The following COL4A2 variants were observed in gnomAD, a reference collection of about 807,000 sequenced individuals.
COL4A2 encodes collagen type IV alpha 2 chain.
In COL4A2, 99 loss-of-function variants were observed where a neutral mutation model predicts 200.2. The ratio of observed to expected loss-of-function variants is 0.49; its 90% CI spans 0.42 to 0.58. COL4A2 has a LOEUF of 0.58. Among genes scored for constraint, COL4A2 ranks in the 20% least tolerant of loss-of-function variants. COL4A2 has a pLI of 0.00. For synonymous variants in COL4A2, 897 were observed against 900.6 expected (o/e 1.00, Z 0.07); for missense variants, 1,950 against 2,314.1 (o/e 0.84, Z 3.23).
intron 4 of COL4A2, among the ~76,000 whole-genome samples, chr13:110,385,411 GTGGATAGACTGTGGTTACAGTGCC>G (rs1251093487): frequency 1.0e-5 from 1 of 97,892 alleles, no homozygotes; most frequent in African/African-American, 3.7e-5. Flanking sequence ...GTTACAGTGT[GTGGATAGACTGTGGTTACAGTGCC>G]TGGATAGACC....
At chr13:110,417,338 G>C (rs112338168) in intron 4 of COL4A2, among the ~76,000 whole-genome samples, 1 of 151,462 alleles carries the variant, frequency 6.6e-6, no homozygotes, top group Non-Finnish European at 1.5e-5. Context: ...CTTCCTTTTC[G>C]AACTGTTCTC....
At chr13:110,482,106 C>T (rs1057457819) in intron 31 of COL4A2, among the ~76,000 whole-genome samples, 5 of 152,196 alleles carry the variant, frequency 3.3e-5, no homozygotes, top group African/African-American at 4.8e-5. Flanking sequence ...CCGGTGCTGG[C>T]GACATTGGTC....
At chr13:110,450,487 C>A (rs748465450) in intron 20 of COL4A2, 33 bp downstream of exon 20, 60 of 1,610,644 alleles carry the variant, frequency 3.7e-5, no homozygotes, top group Non-Finnish European at 5.0e-5. Context: ...GAGGGTGTAG[C>A]CTAATGTTCA....
chr13:110,326,043 C>A (rs369685533), intron 3 of COL4A2, among the ~76,000 whole-genome samples: 2 of 152,292 alleles, frequency 1.3e-5, no homozygotes, highest in East Asian at 3.9e-4. Context: ...TCCTTGGCCT[C>A]CCAAAGTAGT....
At chr13:110,373,387 G>C (rs921334730) in intron 4 of COL4A2, among the ~76,000 whole-genome samples, 1 of 152,146 alleles carries the variant, frequency 6.6e-6, no homozygotes, top group African/African-American at 2.4e-5. Flanking sequence ...GCCTTCAGAG[G>C]GCATCTATGG....
intron 12 of COL4A2, 25 bp from the exon 13 acceptor site, chr13:110,436,244 A>T: frequency 6.2e-7 from 1 of 1,612,842 alleles, no homozygotes; most frequent in Non-Finnish European, 8.5e-7. Context: ...TTTAAAGACA[A>T]CTGCTTTTGC....
chr13:110,328,417 C>A (rs900635195), intron 3 of COL4A2: 8 of 152,208 alleles, frequency 5.3e-5, no homozygotes, highest in African/African-American at 1.9e-4. Context: ...CAACCCCTGG[C>A]AGGCAAGTTC....
rs760851730 is a variant in COL4A2 at position 110,355,321 on chromosome 13, GT to G, written c.100-2150del. ...GAGGGCTGCAGTAGCTCAACTGTGTGTGGGAGAGGGCTGCACTAGCTCACCT... is the reference window on the plus strand; with the variant it reads ...GAGGGCTGCAGTAGCTCAACTGTGTGGGGAGAGGGCTGCACTAGCTCACCT... On this transcript the variant is annotated intron_variant, in intron 3 of 47. Coordinates refer to ENST00000360467, the MANE Select transcript of COL4A2 (RefSeq NM_001846.4). 6.4e-5 allele frequency among the ~76,000 whole-genome samples: 9 copies of G among 141,444 alleles called. 1 individual carries two copies. Among genetic ancestry groups the G allele is most frequent in the East Asian group, 2.0e-4 (1 of 5,116 alleles). The allele number at this position is 141,444 out of a possible 152,430, so 92.8% of individuals were successfully genotyped here.
At chr13:110,505,152 C>T (rs1418369365) in intron 45 of COL4A2, among the ~76,000 whole-genome samples, 6 of 151,194 alleles carry the variant, frequency 4.0e-5, no homozygotes, top group South Asian at 2.1e-4. Context: ...AGATCGAGAC[C>T]ATCCTGGCTA....
At chr13:110,482,691 G>A (rs1322127503) in intron 32 of COL4A2, 32 bp downstream of exon 32, 3 of 1,599,950 alleles carry the variant, frequency 1.9e-6, no homozygotes, top group Non-Finnish European at 2.6e-6. Flanking sequence ...CTCCTTACCT[G>A]GTCATGGTGG....
chr13:110,479,649 A>T (rs866038167), intron 30 of COL4A2, among the ~76,000 whole-genome samples: 1 of 152,194 alleles, frequency 6.6e-6, no homozygotes, highest in Non-Finnish European at 1.5e-5. Context: ...AGAGAAATGC[A>T]TTAAGAAGGG....
intron 20 of COL4A2, among the ~76,000 whole-genome samples, chr13:110,451,618 T>C (rs971283929): frequency 2.0e-5 from 3 of 152,196 alleles, no homozygotes; most frequent in Non-Finnish European, 4.4e-5. Context: ...ACTCACTCAC[T>C]ATCGTGAGAA....
At chr13:110,475,596 G>A (rs573650852) in intron 29 of COL4A2, among the ~76,000 whole-genome samples, 1 of 152,220 alleles carries the variant, frequency 6.6e-6, no homozygotes, top group East Asian at 1.9e-4. Flanking sequence ...CATATGCCTT[G>A]TTAGGCAGAA....
chr13:110,424,757 C>A lies in COL4A2; in HGVS notation c.204C>A (p.Pro68=). The A allele has an allele frequency of 6.2e-7, 1 of 1,610,952 alleles. No homozygotes were observed. The highest frequency in any genetic ancestry group is 8.5e-7 in the Non-Finnish European group (1 of 1,177,302). Residue 68 remains proline (P), a synonymous_variant, in exon 5 of 48, where the codon CCC becomes CCA. Transcript: ENST00000360467. ...GGRGQPGPVG[P]QGYNGPPGLQ... ...AGGGTCAGCCTGGGCCAGTGGGCCCCCAGGGGTACAATGGGCCACCAGGAT... is the reference window on the plus strand; with the variant it reads ...AGGGTCAGCCTGGGCCAGTGGGCCCACAGGGGTACAATGGGCCACCAGGAT...
chr13:110,316,348 C>T (rs1055971703), intron 3 of COL4A2, among the ~76,000 whole-genome samples: 3 of 152,196 alleles, frequency 2.0e-5, no homozygotes, highest in African/African-American at 7.2e-5. Flanking sequence ...GCATCAAAAG[C>T]CATGGTTTGT....
At chr13:110,381,180 C>T (rs1161353482) in intron 4 of COL4A2, among the ~76,000 whole-genome samples, 2 of 151,678 alleles carry the variant, frequency 1.3e-5, no homozygotes, top group African/African-American at 4.9e-5. Context: ...CTCTATCTCA[C>T]ATCCTCGGTC....
intron 3 of COL4A2, among the ~76,000 whole-genome samples, chr13:110,352,135 G>T (rs951947877): frequency 1.3e-5 from 2 of 152,220 alleles, no homozygotes; most frequent in Non-Finnish European, 2.9e-5. Context: ...TGGCATGAAG[G>T]TGGTGCCCTC....
chr13:110,369,471 A>G (rs1055181038), intron 4 of COL4A2, among the ~76,000 whole-genome samples: 3 of 152,182 alleles, frequency 2.0e-5, no homozygotes, highest in African/African-American at 7.2e-5. Flanking sequence ...GGTCCCAAGC[A>G]TGTCAGATAA....
intron 45 of COL4A2, among the ~76,000 whole-genome samples, chr13:110,504,586 G>T (rs4773201): frequency 6.6e-6 from 1 of 152,024 alleles, no homozygotes; most frequent in East Asian, 1.9e-4. Flanking sequence ...TACAAGAGCC[G>T]CACTGCGAAG....
Sources: gnomAD v4.1 joint callset for allele counts (sites outside exome capture counted in the v4.1 genomes callset) on GRCh38, gnomAD v4.1.1 for gene constraint, MANE v1.5 for transcripts, NCBI Gene and HGNC (gene_info 2026-07-23, HGNC 2026-07-21) for gene names.